CNTN4: variants seen among roughly 807,000 people sequenced by gnomAD.
The protein encoded by CNTN4 is contactin 4.
A neutral mutation model predicts 122.5 loss-of-function variants in CNTN4; 77 were observed. That is an observed-to-expected ratio of 0.63 (90% confidence interval 0.52 to 0.76). CNTN4 has a LOEUF of 0.76. Among genes scored for constraint, CNTN4 ranks in the 30% least tolerant of loss-of-function variants. The pLI is 0.00. For missense variants in CNTN4, 1,256 were observed against 1,259.1 expected, an observed-to-expected ratio of 1.00 and a Z score of 0.04; for synonymous variants, 512 against 447.0, an observed-to-expected ratio of 1.15 and a Z score of -1.83.
At chr3:2,179,161 G>T (rs2036895851) in intron 2 of CNTN4, among the ~76,000 whole-genome samples, 1 of 152,028 alleles carries the variant, frequency 6.6e-6, no homozygotes, top group Non-Finnish European at 1.5e-5. Context: ...AAGCTGCGCT[G>T]GTGTGGTAAT....
intron 2 of CNTN4, among the ~76,000 whole-genome samples, chr3:2,258,136 C>G (rs1157253187): frequency 2.6e-5 from 4 of 152,170 alleles, no homozygotes. Context: ...CGCTTTTACA[C>G]TGTTGGTGGG....
At chr3:2,420,924 C>A (rs942228431) in intron 3 of CNTN4, among the ~76,000 whole-genome samples, 1 of 152,150 alleles carries the variant, frequency 6.6e-6, no homozygotes, top group Non-Finnish European at 1.5e-5. Context: ...AAAGAATGTA[C>A]TTCACGTTTT....
At chr3:2,863,230 A>G (rs1414430429) in intron 7 of CNTN4, among the ~76,000 whole-genome samples, 1 of 152,156 alleles carries the variant, frequency 6.6e-6, no homozygotes, top group Admixed American at 6.6e-5. Context: ...GATCGTGAAA[A>G]AAACTAAGTT....
At chr3:2,639,932 C>T (rs180825405) in intron 4 of CNTN4, among the ~76,000 whole-genome samples, 8 of 152,294 alleles carry the variant, frequency 5.3e-5, no homozygotes, top group Admixed American at 4.6e-4. Flanking sequence ...CCCCTTTCCC[C>T]GTGCTAGGGC....
chr3:2,454,745 C>T (rs1275095825), intron 3 of CNTN4, among the ~76,000 whole-genome samples: 1 of 150,426 alleles, frequency 6.6e-6, no homozygotes, highest in Non-Finnish European at 1.5e-5. Context: ...TCTTACCTCT[C>T]CTCTAGGATA....
chr3:2,691,341 T>G (rs537837638), intron 4 of CNTN4, among the ~76,000 whole-genome samples: 2 of 152,268 alleles, frequency 1.3e-5, no homozygotes, highest in East Asian at 3.9e-4. Context: ...ACAAAGAGTC[T>G]GAAACATAAT....
chr3:2,729,242 T>A (rs966477971), intron 4 of CNTN4, among the ~76,000 whole-genome samples: 1 of 152,070 alleles, frequency 6.6e-6, no homozygotes, highest in Non-Finnish European at 1.5e-5. Context: ...TGCAGGGTAG[T>A]TTTTCTTCAC....
At position 2,619,311 on chromosome 3, in the gene CNTN4, A is replaced by G. The variant is rs186967156; in HGVS notation, c.55+47753A>G. Reference sequence around the variant, plus strand: ...CTGGGCTCTTGCTACCAGCTGGCCTATGACTAAAACACCAGGCTGGTGCTG... The same window carrying G: ...CTGGGCTCTTGCTACCAGCTGGCCTGTGACTAAAACACCAGGCTGGTGCTG... On this transcript the variant is annotated intron_variant, in intron 4 of 24. Coordinates refer to ENST00000418658, the MANE Select transcript of CNTN4 (RefSeq NM_175607.3). 5.3e-5 allele frequency among the ~76,000 whole-genome samples: 8 copies of G among 152,358 alleles called. 1 individual carries two copies. The highest frequency in any genetic ancestry group is 1.2e-4 in the African/African-American group (5 of 41,582).
At chr3:2,551,921 A>G (rs1487972826) in intron 3 of CNTN4, among the ~76,000 whole-genome samples, 1 of 152,188 alleles carries the variant, frequency 6.6e-6, no homozygotes, top group Non-Finnish European at 1.5e-5. Context: ...GAAGTATCAG[A>G]GAGGAAATAA....
At chr3:2,463,434 A>G (rs2075385584) in intron 3 of CNTN4, among the ~76,000 whole-genome samples, 1 of 152,212 alleles carries the variant, frequency 6.6e-6, no homozygotes, top group Non-Finnish European at 1.5e-5. Flanking sequence ...GGAACACTTT[A>G]TATAAAAATA....
intron 3 of CNTN4, among the ~76,000 whole-genome samples, chr3:2,565,999 T>C (rs1244881724): frequency 6.6e-6 from 1 of 152,226 alleles, no homozygotes; most frequent in Non-Finnish European, 1.5e-5. Flanking sequence ...TTCACAGTTA[T>C]GCTATCACAA....
intron 13 of CNTN4, among the ~76,000 whole-genome samples, chr3:2,977,709 G>A (rs1261654628): frequency 6.6e-6 from 1 of 152,114 alleles, no homozygotes; most frequent in Non-Finnish European, 1.5e-5. Flanking sequence ...CAGCCCTGGG[G>A]GGTTTCCTCT....
At chr3:2,703,907 G>A (rs1576503852) in intron 4 of CNTN4, among the ~76,000 whole-genome samples, 1 of 152,100 alleles carries the variant, frequency 6.6e-6, no homozygotes, top group East Asian at 1.9e-4. Context: ...AAGAAAGCAG[G>A]AAAAAGGAAA....
At chr3:2,284,655 T>G (rs1257910595) in intron 2 of CNTN4, among the ~76,000 whole-genome samples, 1 of 152,084 alleles carries the variant, frequency 6.6e-6, no homozygotes, top group Non-Finnish European at 1.5e-5. Flanking sequence ...GCTTAGTTAT[T>G]GAAATCAAAT....
intron 4 of CNTN4, among the ~76,000 whole-genome samples, chr3:2,698,564 G>A (rs1293372696): frequency 6.6e-6 from 1 of 152,130 alleles, no homozygotes; most frequent in Non-Finnish European, 1.5e-5. Context: ...CAGTGCTAGT[G>A]TTCTTTGCCA....
At chr3:3,042,904 C>T in intron 21 of CNTN4, 73 bp from the exon 22 acceptor site, 2 of 1,269,030 alleles carry the variant, frequency 1.6e-6, no homozygotes, top group Non-Finnish European at 2.3e-6. Flanking sequence ...AATCTGCGTA[C>T]AAAATTACCT....
Position 2,836,760 on chromosome 3 carries a change from T to A in CNTN4, c.454+17179T>A, listed in dbSNP as rs2093233846. On this transcript the variant is annotated intron_variant, in intron 7 of 24. Coordinates refer to ENST00000418658, the MANE Select transcript of CNTN4 (RefSeq NM_175607.3). ...AAAAACATAATGAAGAGTAAAAAGA[T>A]ACTTCTGGGGTGGGGGGCTGGGGGA... Among the ~76,000 whole-genome samples, 3 of 138,966 alleles carry A rather than the reference T, an allele frequency of 2.2e-5. No individual in the cohort carries two copies. The South Asian group carries it at 7.1e-4, about 33-fold the overall frequency. The allele number at this position is 138,966 out of a possible 152,430, so 91.2% of individuals were successfully genotyped here. A position where few individuals can be genotyped will look rare whatever the true frequency, so the allele number is the denominator to read the frequency against.
At chr3:2,244,746 A>T (rs1382860738) in intron 2 of CNTN4, among the ~76,000 whole-genome samples, 2 of 152,062 alleles carry the variant, frequency 1.3e-5, no homozygotes, top group African/African-American at 4.8e-5. Context: ...AGGTTAAATA[A>T]AGTATGACCC....
chr3:3,029,097 AATTATTTTCCC>A (rs1698961808), intron 15 of CNTN4, among the ~76,000 whole-genome samples: 1 of 152,176 alleles, frequency 6.6e-6, no homozygotes, highest in Non-Finnish European at 1.5e-5. Context: ...ATAGGTTAAC[AATTATTTTCCC>A]ATTTTATTGA....
Sources: allele counts gnomAD v4.1 joint callset (sites outside exome capture counted in the v4.1 genomes callset), GRCh38; gene constraint gnomAD v4.1.1; transcripts MANE v1.5; gene names NCBI Gene and HGNC (gene_info 2026-07-23, HGNC 2026-07-21).